The following PKHD1 variants were observed in gnomAD, a reference collection of about 807,000 sequenced individuals.
The protein encoded by PKHD1 is fibrocystin.
A neutral mutation model predicts 412.0 loss-of-function variants in PKHD1; 291 were observed. That is an observed-to-expected ratio of 0.71 (90% CI 0.64 to 0.78). The LOEUF (loss-of-function observed/expected upper bound fraction) is 0.78. Among genes scored for constraint, PKHD1 ranks in the 30% least tolerant of loss-of-function variants. PKHD1 has a pLI of 0.00. For synonymous variants in PKHD1, 1,777 were observed against 1,821.5 expected (o/e 0.98, Z 0.62); for missense variants, 4,825 against 4,950.7 (o/e 0.97, Z 0.76).
intron 59 of PKHD1, among the ~76,000 whole-genome samples, chr6:51,746,274 G>C (rs890620418): frequency 6.6e-6 from 1 of 152,040 alleles, no homozygotes; most frequent in African/African-American, 2.4e-5. Flanking sequence ...TGCACAAAAG[G>C]CTCCCAAGGT....
At chr6:51,663,493 T>C (rs1195796254) in intron 60 of PKHD1, among the ~76,000 whole-genome samples, 1 of 152,142 alleles carries the variant, frequency 6.6e-6, no homozygotes, top group Non-Finnish European at 1.5e-5. Context: ...ATGACGTTAG[T>C]AGGCATCAGT....
intron 60 of PKHD1, among the ~76,000 whole-genome samples, chr6:51,676,469 A>T (rs771903208): frequency 3.3e-5 from 5 of 152,124 alleles, no homozygotes; most frequent in Admixed American, 1.3e-4. Context: ...TAATTTTTTT[A>T]GCCATTTTGT....
chr6:51,743,476 C>T (rs1784815199), intron 60 of PKHD1, among the ~76,000 whole-genome samples: 1 of 152,098 alleles, frequency 6.6e-6, no homozygotes, highest in African/African-American at 2.4e-5. Context: ...GAGATGTCTA[C>T]TATCTTTCCA....
chr6:51,933,916 A>C (rs1030509104), intron 37 of PKHD1, among the ~76,000 whole-genome samples, 194 bp downstream of exon 37: 4 of 152,236 alleles, frequency 2.6e-5, no homozygotes, highest in African/African-American at 7.2e-5. Context: ...AAAGAGGAGC[A>C]AACAATTGGG....
intron 59 of PKHD1, 74 bp downstream of exon 59, chr6:51,746,647 A>G: frequency 1.1e-6 from 1 of 945,404 alleles, no homozygotes; most frequent in Non-Finnish European, 1.7e-6. Context: ...TTCCTTTCAA[A>G]AAACATGTTT....
chr6:51,805,080 T>C (rs1582795844), intron 52 of PKHD1, among the ~76,000 whole-genome samples: 1 of 152,206 alleles, frequency 6.6e-6, no homozygotes, highest in East Asian at 1.9e-4. Flanking sequence ...CATGCACTTG[T>C]AGGTTTATCA....
intron 46 of PKHD1, among the ~76,000 whole-genome samples, chr6:51,881,934 C>G (rs1777440803): frequency 6.6e-6 from 1 of 152,130 alleles, no homozygotes; most frequent in Non-Finnish European, 1.5e-5. Context: ...GAATTACACC[C>G]CAAGGGTGTG....
At chr6:51,941,666 A>G (rs1297800906) in intron 36 of PKHD1, among the ~76,000 whole-genome samples, 1 of 151,608 alleles carries the variant, frequency 6.6e-6, no homozygotes, top group Non-Finnish European at 1.5e-5. Context: ...TATCAACCAA[A>G]TTGTTTTGCC....
intron 38 of PKHD1, 95 bp from the exon 39 acceptor site, chr6:51,912,051 G>T (rs777667264): frequency 2.2e-5 from 22 of 999,092 alleles, no homozygotes; most frequent in Admixed American, 4.0e-5. Flanking sequence ...TTCCTTTGGG[G>T]ATCTATTCAT....
intron 43 of PKHD1, among the ~76,000 whole-genome samples, chr6:51,901,511 G>A (rs141904075): frequency 0.03 from 4,563 of 151,902 alleles, 124 homozygotes; most frequent in East Asian, 0.11. Context: ...CACACTCTGG[G>A]GACTGTTGTG....
At chr6:51,654,881 G>A (rs2150391651) in intron 61 of PKHD1, among the ~76,000 whole-genome samples, 1 of 152,184 alleles carries the variant, frequency 6.6e-6, no homozygotes, top group African/African-American at 2.4e-5. Flanking sequence ...CATTGAATAA[G>A]CCTGGGTATT....
At chr6:51,989,164 TACAAAA>T in intron 35 of PKHD1, among the ~76,000 whole-genome samples, 1 of 152,116 alleles carries the variant, frequency 6.6e-6, no homozygotes, top group Non-Finnish European at 1.5e-5. Context: ...TTTTACCTTC[TACAAAA>T]ACTTCATGAG....
rs1810702908 is a variant in PKHD1, at chr6:52,072,110, C to T, written c.602+5G>A. On this transcript the variant is annotated splice_donor_5th_base_variant and intron_variant, in intron 8 of 66. Transcript: ENST00000371117. Reference sequence around the variant, plus strand: ...TGTGCATTGGCAAGATAATAAGACACTCACCAGCTTCCCATCTGCCTATTT... The same window carrying T: ...TGTGCATTGGCAAGATAATAAGACATTCACCAGCTTCCCATCTGCCTATTT... The T allele has an allele frequency of 3.2e-6, 5 of 1,573,260 alleles. No individual in the cohort carries two copies. Among genetic ancestry groups the T allele is most frequent in the Admixed American group, 1.7e-5 (1 of 59,918 alleles).
chr6:51,999,418 T>C (rs371495781), intron 35 of PKHD1, among the ~76,000 whole-genome samples: 3 of 152,234 alleles, frequency 2.0e-5, no homozygotes, highest in Non-Finnish European at 4.4e-5. Flanking sequence ...CATAACACTT[T>C]TAATATCTGA....
chr6:51,628,866 G>C (rs35929288), intron 65 of PKHD1, among the ~76,000 whole-genome samples: 6,516 of 152,198 alleles, frequency 0.043, 234 homozygotes, highest in African/African-American at 0.093. Context: ...AAATAATAGA[G>C]ACATAGACCA....
intron 53 of PKHD1, among the ~76,000 whole-genome samples, chr6:51,788,568 G>T (rs147079107): frequency 2.8e-4 from 42 of 152,008 alleles, no homozygotes; most frequent in African/African-American, 8.9e-4. Context: ...TTAAATCCCA[G>T]CCATACAAAG....
intron 35 of PKHD1, among the ~76,000 whole-genome samples, chr6:51,987,898 C>T (rs1796406091): frequency 6.6e-6 from 1 of 152,190 alleles, no homozygotes; most frequent in African/African-American, 2.4e-5. Flanking sequence ...ACCACATAGT[C>T]ACTCTGTGAC....
intron 52 of PKHD1, among the ~76,000 whole-genome samples, chr6:51,821,687 G>C (rs942047667): frequency 6.6e-6 from 1 of 152,124 alleles, no homozygotes; most frequent in Non-Finnish European, 1.5e-5. Context: ...GGAAATGACA[G>C]GGATTCAGTG....
At chr6:51,652,780 G>A (rs1581850626) in intron 61 of PKHD1, among the ~76,000 whole-genome samples, 1 of 4,092 alleles carries the variant, frequency 2.4e-4, no homozygotes, top group Non-Finnish European at 3.4e-4. Context: ...GGGTTTCACC[G>A]TTTTAGCCGG....
Sources: allele counts gnomAD v4.1 joint callset (sites outside exome capture counted in the v4.1 genomes callset), GRCh38; gene constraint gnomAD v4.1.1; transcripts MANE v1.5; gene names NCBI Gene and HGNC (gene_info 2026-07-23, HGNC 2026-07-21).